MPP7: variants seen among roughly 807,000 people sequenced by gnomAD.
The protein encoded by MPP7 is MAGUK p55 scaffold protein 7, also known as MAGUK p55 subfamily member 7.
MPP7 carries 60 observed loss-of-function variants against 76.5 expected under a neutral mutation model. That is an observed-to-expected ratio of 0.78 (90% CI 0.64 to 0.97). The LOEUF (loss-of-function observed/expected upper bound fraction) is 0.97, where lower values mean the gene tolerates loss of function less well. Ranked by LOEUF, MPP7 falls within the 50% of genes least tolerant of loss-of-function variation. The probability of loss-of-function intolerance (pLI) is 0.00; values close to 1 mark genes in which losing one functional copy is unlikely to be tolerated. For synonymous variants in MPP7, 237 were observed against 244.5 expected (o/e 0.97, Z 0.29); for missense variants, 641 against 694.0 (o/e 0.92, Z 0.86).
chr10:28,311,846 G>C (rs1218343995), intron 2 of MPP7, among the ~76,000 whole-genome samples: 1 of 151,958 alleles, frequency 6.6e-6, no homozygotes, highest in Non-Finnish European at 1.5e-5. Context: ...TGTCTAGAAA[G>C]CTTTAAGTTG....
In MPP7 at chr10:28,120,667, G is replaced by A; in HGVS notation, c.617C>T (p.Ala206Val). The A allele has an allele frequency of 6.2e-7, 1 of 1,612,622 alleles. No homozygotes were observed. Among genetic ancestry groups the A allele is most frequent in the Non-Finnish European group, 8.5e-7 (1 of 1,178,906 alleles). Residue 206 changes from alanine to valine, a missense_variant and splice_region_variant, in exon 9 of 17, where the codon GCT (alanine) becomes GTT (valine). Transcript: ENST00000683449. ...AAATGTAATTGCTCCCTGAGACTGA[G>A]CCTGGTAACAGATAAAACAAGGAGT... ...KRPEEIIQIL[A>V]QSQGAITFKI...
chr10:28,138,298 C>T (rs1835410819), intron 5 of MPP7, among the ~76,000 whole-genome samples: 1 of 152,162 alleles, frequency 6.6e-6, no homozygotes, highest in Admixed American at 6.5e-5. Flanking sequence ...ACTATCTCTG[C>T]TTCCCCTAGA....
Position 28,120,396 on chromosome 10 carries a change from A to G in MPP7, c.691-6T>C. ...AAGAGGGCTTTGATAAACATCTGGA[A>G]GAAAAGTTTCATTAAAGATGAATAA... is the stretch of plus-strand genomic sequence containing the variant. On this transcript the variant is annotated splice_region_variant and splice_polypyrimidine_tract_variant and intron_variant, in intron 9 of 16. Coordinates refer to ENST00000683449, the MANE Select transcript of MPP7 (RefSeq NM_001318170.2). The G allele has an allele frequency of 6.2e-7, 1 of 1,604,966 alleles. No individual in the cohort carries two copies. Among genetic ancestry groups the G allele is most frequent in the East Asian group, 2.2e-5 (1 of 44,798 alleles).
At chr10:28,246,688 T>C (rs1839445642) in intron 1 of MPP7, among the ~76,000 whole-genome samples, 1 of 152,122 alleles carries the variant, frequency 6.6e-6, no homozygotes, top group Non-Finnish European at 1.5e-5. Context: ...TAGGGGAAAC[T>C]GCCAAACGCT....
intron 10 of MPP7, 41 bp downstream of exon 10, chr10:28,120,153 G>A: frequency 1.3e-6 from 2 of 1,580,556 alleles, no homozygotes; most frequent in East Asian, 2.2e-5. Flanking sequence ...AGAACAAAAG[G>A]TCAGCTGGAG....
At chr10:28,098,653 G>T (rs1853677718) in intron 11 of MPP7, among the ~76,000 whole-genome samples, 1 of 151,904 alleles carries the variant, frequency 6.6e-6, no homozygotes, top group Non-Finnish European at 1.5e-5. Context: ...TAGTTGTGTG[G>T]TTATATCAGC....
chr10:28,179,039 A>C (rs962793377), intron 3 of MPP7, among the ~76,000 whole-genome samples: 4 of 152,224 alleles, frequency 2.6e-5, no homozygotes, highest in African/African-American at 9.7e-5. Context: ...GAAATTATCA[A>C]GAAATTAAAG....
At chr10:28,327,231 T>TA (rs59442840) in intron 2 of MPP7, among the ~76,000 whole-genome samples, 3,109 of 95,668 alleles carry the variant, frequency 0.032, 56 homozygotes, top group Non-Finnish European at 0.043. Context: ...GTCAAAGAAG[T>TA]AAAAAAAAAA....
rs1382233916 is a variant in MPP7, at chr10:28,085,670, TATTTA to T, written c.1123+3996_1123+4000del. On this transcript the variant is annotated intron_variant, in intron 12 of 16. Transcript: ENST00000683449. ...TGACTGTGCCACTTGGGAGCATCAG[TATTTA>T]GCATCTCCAGTTTAGGACTATGTCG... Among the ~76,000 whole-genome samples, 6 of 152,254 alleles carry T rather than the reference TATTTA, an allele frequency of 3.9e-5. No homozygotes were observed. The East Asian group carries it at 1.2e-3, about 29-fold the overall frequency.
At chr10:28,098,870 G>A in intron 11 of MPP7, among the ~76,000 whole-genome samples, 1 of 151,720 alleles carries the variant, frequency 6.6e-6, no homozygotes, top group Non-Finnish European at 1.5e-5. Flanking sequence ...AAGAATAAGG[G>A]CAAGGAAGAG....
intron 1 of MPP7, chr10:28,281,976 T>A (rs1840687703): frequency 6.6e-6 from 1 of 152,136 alleles, no homozygotes; most frequent in Admixed American, 6.5e-5. Flanking sequence ...ACTGGAAGGC[T>A]ACAAGCAGAG....
At chr10:28,268,375 C>A (rs1231967497) in intron 1 of MPP7, among the ~76,000 whole-genome samples, 1 of 152,172 alleles carries the variant, frequency 6.6e-6, no homozygotes, top group African/African-American at 2.4e-5. Flanking sequence ...TCATAGAGTA[C>A]GTTGTAAGCC....
At chr10:28,124,264 C>T (rs1444748073) in intron 7 of MPP7, 148 bp from the exon 8 acceptor site, 1 of 623,986 alleles carries the variant, frequency 1.6e-6, no homozygotes, top group Non-Finnish European at 2.9e-6. Flanking sequence ...AGGTTTCAGC[C>T]TCTATGCCTC....
chr10:28,268,583 T>C (rs59886422), intron 1 of MPP7, among the ~76,000 whole-genome samples: 206 of 151,904 alleles, frequency 1.4e-3, no homozygotes, highest in African/African-American at 4.7e-3. Flanking sequence ...AATACAAAAG[T>C]TACCCGGGTG....
chr10:28,181,363 T>C (rs953792040), intron 3 of MPP7, among the ~76,000 whole-genome samples: 1 of 152,238 alleles, frequency 6.6e-6, no homozygotes, highest in South Asian at 2.1e-4. Flanking sequence ...AACAATAAAC[T>C]TCATTTTAAA....
At chr10:28,209,050 C>T (rs1436576650) in intron 2 of MPP7, among the ~76,000 whole-genome samples, 2 of 152,234 alleles carry the variant, frequency 1.3e-5, no homozygotes, top group Non-Finnish European at 2.9e-5. Flanking sequence ...GATACACCTG[C>T]TCCCCATTCA....
At chr10:28,171,439 C>G (rs1018206844) in intron 3 of MPP7, among the ~76,000 whole-genome samples, 10 of 152,132 alleles carry the variant, frequency 6.6e-5, no homozygotes, top group African/African-American at 2.4e-4. Context: ...ATTTTAATAG[C>G]TGCCGGTTAG....
chr10:28,090,366 A>G (rs1853238974), intron 11 of MPP7, among the ~76,000 whole-genome samples: 1 of 152,222 alleles, frequency 6.6e-6, no homozygotes, highest in Non-Finnish European at 1.5e-5. Flanking sequence ...TGTAGTTATA[A>G]TAATGTAAAT....
rs533754273 is a variant in MPP7, at chr10:28,259,638, C to G, written c.-131-20903G>C. Among the ~76,000 whole-genome samples the G allele has an allele frequency of 4.0e-5, 6 of 150,984 alleles. No homozygotes were observed. The South Asian group carries it at 1.3e-3, about 32-fold the overall frequency. On this transcript the variant is annotated intron_variant, in intron 1 of 16. Coordinates refer to ENST00000683449, the MANE Select transcript of MPP7 (RefSeq NM_001318170.2). ...GGGGAGGGGAGAGAAGAGAAGGATG[C>G]AGGGAGGCAGGAGATGAGTTAGTTA... is the stretch of plus-strand genomic sequence containing the variant.
Sources: gnomAD v4.1 joint callset for allele counts (sites outside exome capture counted in the v4.1 genomes callset) on GRCh38, gnomAD v4.1.1 for gene constraint, MANE v1.5 for transcripts, NCBI Gene and HGNC (gene_info 2026-07-23, HGNC 2026-07-21) for gene names.